The following STPG1 variants were observed in gnomAD, a reference collection of about 807,000 sequenced individuals.
STPG1 encodes O(6)-methylguanine-induced apoptosis 2.
In STPG1, 33 loss-of-function variants were observed where a neutral mutation model predicts 40.1. The ratio of observed to expected loss-of-function variants is 0.82; its 90% CI spans 0.62 to 1.10. The LOEUF is 1.10. STPG1 is among the 50% of genes least tolerant of loss of function. STPG1 has a pLI of 0.00. For synonymous variants in STPG1, 150 were observed against 155.0 expected (o/e 0.97, Z 0.24); for missense variants, 396 against 415.1 (o/e 0.95, Z 0.40).
chr1:24,391,408 T>C (rs1642764436), intron 3 of STPG1, 153 bp downstream of exon 3: 1 of 503,412 alleles, frequency 2.0e-6, no homozygotes, highest in African/African-American at 2.0e-5. Context: ...GTTAGTCCAG[T>C]CGGTGCCCCT....
At chr1:24,413,255 G>A (rs11249103) in intron 1 of STPG1, among the ~76,000 whole-genome samples, 35,688 of 152,192 alleles carry the variant, frequency 0.23, 4,665 homozygotes, top group East Asian at 0.46. Context: ...TCGAGGCCCA[G>A]AGCAGGGAAG....
At chr1:24,363,310 A>G (rs963037103) in intron 7 of STPG1, among the ~76,000 whole-genome samples, 3 of 152,194 alleles carry the variant, frequency 2.0e-5, no homozygotes, top group Non-Finnish European at 4.4e-5. Context: ...GCCTAGCACT[A>G]TGGATCTTTC....
intron 1 of STPG1, chr1:24,411,623 G>A (rs913599809): frequency 1.3e-5 from 2 of 152,074 alleles, no homozygotes; most frequent in African/African-American, 4.8e-5. Flanking sequence ...AAAATTTTTT[G>A]TAAAGACAAT....
In STPG1 at chr1:24,413,679, C is replaced by G. The variant is rs1570128101; in HGVS notation, c.-74G>C. The stretch of plus-strand genomic sequence containing the variant: ...CCGCCGGAACTGCTTCCTACCTGGT[C>G]CGGTCCCGGCAGCTGAATCTGGCCA... On this transcript the variant is annotated 5_prime_UTR_variant, in exon 1 of 9. Coordinates refer to ENST00000337248, the MANE Select transcript of STPG1 (RefSeq NM_001199013.2). 6.6e-6 allele frequency: 1 copy of G among 152,320 alleles called. No individual in the cohort carries two copies. The highest frequency in any genetic ancestry group is 1.5e-5 in the Non-Finnish European group (1 of 68,110). The allele number at this position is 152,320 out of a possible 1,614,324, so 9.4% of individuals were successfully genotyped here.
intron 7 of STPG1, among the ~76,000 whole-genome samples, chr1:24,367,488 A>G (rs1641530504): frequency 6.6e-6 from 1 of 152,220 alleles, no homozygotes; most frequent in African/African-American, 2.4e-5. Context: ...TAGGATATAC[A>G]ATAACCACAG....
intron 2 of STPG1, chr1:24,391,888 G>A: frequency 7.7e-7 from 1 of 1,300,884 alleles, no homozygotes; most frequent in Non-Finnish European, 9.8e-7. Flanking sequence ...CCCCCCTCCA[G>A]CTCTTAAATT....
At chr1:24,365,554 C>T (rs1031909342) in intron 7 of STPG1, among the ~76,000 whole-genome samples, 5 of 152,186 alleles carry the variant, frequency 3.3e-5, no homozygotes, top group Admixed American at 6.5e-5. Context: ...AAGGAACACC[C>T]GATGGCATGA....
At chr1:24,361,414 GTAGT>G (rs1462271043) in intron 7 of STPG1, among the ~76,000 whole-genome samples, 1 of 152,106 alleles carries the variant, frequency 6.6e-6, no homozygotes, top group African/African-American at 2.4e-5. Context: ...TGATTGATTG[GTAGT>G]GCCTGGCTGG....
rs1643224572 is a variant in STPG1 at position 24,401,425 on chromosome 1, T to C, written c.-37A>G. 1.9e-6 allele frequency: 3 copies of C among 1,591,856 alleles called. No homozygotes were observed. The highest frequency in any genetic ancestry group is 2.6e-6 in the Non-Finnish European group (3 of 1,161,210). On this transcript the variant is annotated 5_prime_UTR_variant, in exon 2 of 9. Coordinates refer to ENST00000337248, the MANE Select transcript of STPG1 (RefSeq NM_001199013.2). The stretch of plus-strand genomic sequence containing the variant: ...TCTGTGACGTGTTCCATTTGTTTGA[T>C]GAAAAGTTCTACTGCATGTTCTCCT...
intron 3 of STPG1, among the ~76,000 whole-genome samples, chr1:24,387,113 T>A (rs2148701824): frequency 6.6e-6 from 1 of 152,312 alleles, no homozygotes; most frequent in South Asian, 2.1e-4. Context: ...AGCAGCTTAT[T>A]AGCAGCCTGT....
At chr1:24,400,049 T>C (rs1159254389) in intron 2 of STPG1, among the ~76,000 whole-genome samples, 1 of 152,232 alleles carries the variant, frequency 6.6e-6, no homozygotes, top group East Asian at 1.9e-4. Context: ...TACATAAATA[T>C]GTGTCCCACA....
At chr1:24,401,565 G>GCGACCA in intron 1 of STPG1, 109 bp from the exon 2 acceptor site, 27 of 621,656 alleles carry the variant, frequency 4.3e-5, no homozygotes, top group East Asian at 4.1e-4. Context: ...GTGGGTGCCG[G>GCGACCA]CTGAGATCTA....
At chr1:24,410,873 C>G (rs1022774053) in intron 1 of STPG1, 4 of 152,308 alleles carry the variant, frequency 2.6e-5, no homozygotes, top group African/African-American at 7.2e-5. Flanking sequence ...TATGTTTAAG[C>G]GATTCCTACG....
In STPG1 at chr1:24,383,975, T is replaced by C. The variant is rs117805097; in HGVS notation, c.218A>G (p.Asn73Ser). The C allele has an allele frequency of 4.8e-4, 773 of 1,613,710 alleles. 3 individuals carry two copies. In the East Asian group the frequency reaches 6.2e-3, roughly 13 times the overall value. Reference protein sequence around the residue: ...KNDIPGPGFYNVIHQSPVSNS... With the variant: ...KNDIPGPGFYSVIHQSPVSNS... ...GGACACCGGTGACTGGTGAATAACATTGTAGAACCCAGGTCCTGGGATATC... is the reference window on the plus strand; with the variant it reads ...GGACACCGGTGACTGGTGAATAACACTGTAGAACCCAGGTCCTGGGATATC... The change falls in exon 4 of 9, where the codon AAT (asparagine) becomes AGT (serine). Residue 73 changes from asparagine to serine, a missense_variant. Physicochemically the swap from Asn to Ser is conservative, Grantham distance 46. Transcript: ENST00000337248.
At chr1:24,386,996 CCAT>C (rs71577705) in intron 3 of STPG1, among the ~76,000 whole-genome samples, 6 of 151,980 alleles carry the variant, frequency 3.9e-5, no homozygotes, top group Admixed American at 3.3e-4. Context: ...ATGCGGCCCG[CCAT>C]CATCATCATC....
chr1:24,373,927 T>A lies in STPG1; in HGVS notation c.463-117A>T. ...AAAATCAAACCGAAACCTGTCCTTC[T>A]TAGCAAATGAACAGATGTGAGCTGT... On this transcript the variant is annotated intron_variant, in intron 5 of 8. Transcript: ENST00000337248. 8.2e-6 allele frequency: 6 copies of A among 727,978 alleles called. 1 individual carries two copies. In the South Asian group the frequency reaches 9.9e-5, roughly 12 times the overall value. The allele number at this position is 727,978 out of a possible 1,614,324, so 45.1% of individuals were successfully genotyped here. A position where few individuals can be genotyped will look rare whatever the true frequency, so the allele number is the denominator to read the frequency against.
intron 4 of STPG1, among the ~76,000 whole-genome samples, chr1:24,382,244 T>C (rs1031186511): frequency 6.6e-6 from 1 of 152,192 alleles, no homozygotes; most frequent in African/African-American, 2.4e-5. Context: ...AGTCTCTTTG[T>C]TGGCACCAAG....
Position 24,358,451 on chromosome 1 carries a change from A to G in STPG1, c.*92T>C. On this transcript the variant is annotated 3_prime_UTR_variant, in exon 9 of 9. Transcript: ENST00000337248. ...CACCCCCCAAGTTGTCAGCTGCCAC[A>G]CTCATGATCGGTCTCCTCCTGAGGA... The G allele has an allele frequency of 9.1e-7, 1 of 1,100,126 alleles. No homozygotes were observed. The highest frequency in any genetic ancestry group is 1.2e-5 in the South Asian group (1 of 80,566). The allele number at this position is 1,100,126 out of a possible 1,614,324, so 68.1% of individuals were successfully genotyped here. A position where few individuals can be genotyped will look rare whatever the true frequency, so the allele number is the denominator to read the frequency against.
intron 5 of STPG1, among the ~76,000 whole-genome samples, chr1:24,375,384 CA>C (rs902570749): frequency 6.6e-6 from 1 of 151,570 alleles, no homozygotes; most frequent in Non-Finnish European, 1.5e-5. Context: ...ACTCCTTTGT[CA>C]AAAAAAATGT....
Sources: allele counts gnomAD v4.1 joint callset (sites outside exome capture counted in the v4.1 genomes callset), GRCh38; gene constraint gnomAD v4.1.1; transcripts MANE v1.5; gene names NCBI Gene and HGNC (gene_info 2026-07-23, HGNC 2026-07-21).